Variants in ESYT2 observed in about 807,000 individuals in gnomAD.
ESYT2 encodes extended synaptotagmin-2.
In ESYT2, 54 loss-of-function variants were observed where a neutral mutation model predicts 107.2. The observed-to-expected ratio is 0.50, with a 90% CI of 0.40 to 0.63. The LOEUF (loss-of-function observed/expected upper bound fraction) is 0.63. ESYT2 is among the 30% of genes least tolerant of loss of function. The probability of loss-of-function intolerance (pLI) is 0.00; values close to 1 mark genes in which losing one functional copy is unlikely to be tolerated. For synonymous variants in ESYT2, 491 were observed against 434.1 expected (o/e 1.13, Z -1.63); for missense variants, 1,020 against 1,094.5 (o/e 0.93, Z 0.96).
chr7:158,767,450 C>G (rs1838201251), intron 8 of ESYT2, among the ~76,000 whole-genome samples: 1 of 152,188 alleles, frequency 6.6e-6, no homozygotes. Flanking sequence ...ATCCTGCTGT[C>G]TCCACGACAA....
rs1836809405 is a variant in ESYT2 at position 158,733,374 on chromosome 7, C to A, written c.*833G>T. ...CAGCTTAATTGCTAACATTGAAAGT[C>A]TGCTCTTACAGTTGAGGAAAAGTAC... On this transcript the variant is annotated 3_prime_UTR_variant, in exon 23 of 23. Transcript: ENST00000275418. The A allele has an allele frequency of 6.6e-6, 1 of 152,186 alleles. No individual in the cohort carries two copies. The allele number at this position is 152,186 out of a possible 1,614,324, so 9.4% of individuals were successfully genotyped here.
intron 1 of ESYT2, among the ~76,000 whole-genome samples, chr7:158,814,301 A>C (rs1840081223): frequency 2.1e-4 from 1 of 4,828 alleles, no homozygotes; most frequent in East Asian, 3.6e-3. Flanking sequence ...ATATATATAT[A>C]TATATATATA....
chr7:158,764,955 C>T (rs763051360), intron 8 of ESYT2, 102 bp from the exon 9 acceptor site: 28 of 1,197,654 alleles, frequency 2.3e-5, no homozygotes, highest in East Asian at 9.5e-5. Flanking sequence ...TTGGGAGTGC[C>T]GAGGGAATAA....
intron 1 of ESYT2, among the ~76,000 whole-genome samples, chr7:158,813,982 T>C (rs1377356938): frequency 2.0e-5 from 3 of 151,996 alleles, no homozygotes; most frequent in Non-Finnish European, 4.4e-5. Flanking sequence ...TTTAAAAATA[T>C]ATGTTACTCA....
intron 8 of ESYT2, among the ~76,000 whole-genome samples, chr7:158,765,918 G>A (rs960930731): frequency 5.3e-5 from 8 of 152,090 alleles, no homozygotes; most frequent in African/African-American, 1.9e-4. Flanking sequence ...ACAGAGTGAT[G>A]GCCAGGTGCG....
chr7:158,769,995 G>T (rs1210208024), intron 7 of ESYT2, among the ~76,000 whole-genome samples: 1 of 151,792 alleles, frequency 6.6e-6, no homozygotes, highest in Non-Finnish European at 1.5e-5. Flanking sequence ...CATGATCCTG[G>T]CTCACTGCAA....
At chr7:158,803,166 C>T (rs1254515980) in intron 1 of ESYT2, among the ~76,000 whole-genome samples, 4 of 152,258 alleles carry the variant, frequency 2.6e-5, no homozygotes, top group Admixed American at 6.5e-5. Flanking sequence ...ACGCGCCGTT[C>T]CCCGGAGCAC....
At chr7:158,818,961 G>A (rs568674360) in intron 1 of ESYT2, among the ~76,000 whole-genome samples, 1 of 152,342 alleles carries the variant, frequency 6.6e-6, no homozygotes, top group East Asian at 1.9e-4. Flanking sequence ...GACTGGTCAT[G>A]TCCAGACAAG....
At chr7:158,760,610 C>T (rs1157024821) in intron 11 of ESYT2, among the ~76,000 whole-genome samples, 1 of 152,210 alleles carries the variant, frequency 6.6e-6, no homozygotes, top group African/African-American at 2.4e-5. Flanking sequence ...TGTAGGCAAG[C>T]ATGCTCCACC....
At chr7:158,807,078 C>T (rs1047210691) in intron 1 of ESYT2, among the ~76,000 whole-genome samples, 8 of 151,094 alleles carry the variant, frequency 5.3e-5, no homozygotes, top group East Asian at 3.9e-4. Flanking sequence ...TTTGAAACCC[C>T]GTCTCTACTA....
intron 1 of ESYT2, among the ~76,000 whole-genome samples, chr7:158,810,401 G>C (rs577875656): frequency 6.6e-6 from 1 of 152,154 alleles, no homozygotes; most frequent in African/African-American, 2.4e-5. Flanking sequence ...GAAGTGGGCC[G>C]GGCATGGTGT....
At position 158,749,706 on chromosome 7, in the gene ESYT2, G is replaced by C. The variant is rs1361841233; in HGVS notation, c.1500C>G (p.Ser500Arg). 3.1e-6 allele frequency: 5 copies of C among 1,613,842 alleles called. No homozygotes were observed. The highest frequency in any genetic ancestry group is 4.2e-6 in the Non-Finnish European group (5 of 1,179,922). The change falls in exon 15 of 23, where the codon AGC becomes AGG. Residue 500 changes from serine (S) to arginine (R), a missense_variant. Ser to Arg is a moderately radical substitution (Grantham distance 110). Transcript: ENST00000275418. ...TCTGGACAACAGGATTTGGGTTGCT[G>C]CTTATTTTCTTCCCTGACTACCCAA... ...QRALKSGKKISSNPNPVVQMS... is the reference protein window; with the variant it reads ...QRALKSGKKIRSNPNPVVQMS...
At chr7:158,752,320 C>T (rs989469950) in intron 14 of ESYT2, among the ~76,000 whole-genome samples, 1 of 152,174 alleles carries the variant, frequency 6.6e-6, no homozygotes, top group Non-Finnish European at 1.5e-5. Context: ...CACCCAAACC[C>T]AGCAGCACCA....
chr7:158,736,507 T>C (rs1836956290), intron 20 of ESYT2, among the ~76,000 whole-genome samples: 1 of 151,966 alleles, frequency 6.6e-6, no homozygotes, highest in African/African-American at 2.4e-5. Flanking sequence ...TCCTAGGAGG[T>C]CACCAAATCA....
chr7:158,809,474 C>CAAAAAAAAAAAAA (rs67422901), intron 1 of ESYT2, among the ~76,000 whole-genome samples: 5 of 49,740 alleles, frequency 1.0e-4, no homozygotes, highest in Non-Finnish European at 1.7e-4. Context: ...GAATCCATCT[C>CAAAAAAAAAAAAA]AAAAAAAAAA....
At chr7:158,769,795 A>C (rs1460912632) in intron 7 of ESYT2, among the ~76,000 whole-genome samples, 5 of 152,230 alleles carry the variant, frequency 3.3e-5, no homozygotes, top group African/African-American at 4.8e-5. Context: ...TTCAGGCATT[A>C]TTCTTACTCT....
intron 16 of ESYT2, among the ~76,000 whole-genome samples, chr7:158,745,971 T>C (rs1367831539): frequency 1.3e-5 from 2 of 152,090 alleles, no homozygotes; most frequent in South Asian, 2.1e-4. Flanking sequence ...GAAATAATAA[T>C]GATCATAGTA....
intron 6 of ESYT2, among the ~76,000 whole-genome samples, chr7:158,774,437 T>A (rs530378595): frequency 1.3e-5 from 2 of 151,778 alleles, no homozygotes; most frequent in African/African-American, 4.8e-5. Context: ...AGTATCAACC[T>A]ATGCTTTACC....
Position 158,827,387 on chromosome 7 carries a change from T to C in ESYT2, c.330+1702A>G, listed in dbSNP as rs539964885. Reference sequence around the variant, plus strand: ...TTTAGTATTATGCATCTTAGTGTAATATAGACACAAAACGTCACTTTAAAG... The same window carrying C: ...TTTAGTATTATGCATCTTAGTGTAACATAGACACAAAACGTCACTTTAAAG... On this transcript the variant is annotated intron_variant, in intron 1 of 22. Coordinates refer to ENST00000275418, the MANE Select transcript of ESYT2 (RefSeq NM_001367773.1). 3.3e-5 allele frequency among the ~76,000 whole-genome samples: 5 copies of C among 152,260 alleles called. No homozygotes were observed. The East Asian group carries it at 7.7e-4, about 24-fold the overall frequency.
Sources: gnomAD v4.1 joint callset for allele counts (sites outside exome capture counted in the v4.1 genomes callset) on GRCh38, gnomAD v4.1.1 for gene constraint, MANE v1.5 for transcripts, NCBI Gene and HGNC (gene_info 2026-07-23, HGNC 2026-07-21) for gene names.